The following EPB41 variants were observed in gnomAD, a reference collection of about 807,000 sequenced individuals.
EPB41 encodes protein 4.1.
EPB41 carries 65 observed loss-of-function variants against 108.0 expected under a neutral mutation model. That is an observed-to-expected ratio of 0.60 (90% CI 0.49 to 0.74). The LOEUF (loss-of-function observed/expected upper bound fraction) is 0.74, where lower values mean the gene tolerates loss of function less well. Among genes scored for constraint, EPB41 ranks in the 30% least tolerant of loss-of-function variants. The pLI, the probability that EPB41 is intolerant of heterozygous loss-of-function variation, is 0.00. For synonymous variants in EPB41, 336 were observed against 358.9 expected (o/e 0.94, Z 0.72); for missense variants, 875 against 1,037.0 (o/e 0.84, Z 2.15).
chr1:29,047,513 C>T (rs1643643084), intron 11 of EPB41, among the ~76,000 whole-genome samples: 1 of 151,062 alleles, frequency 6.6e-6, no homozygotes, highest in Non-Finnish European at 1.5e-5. Flanking sequence ...CTTGGCTTCT[C>T]AAAGTGCTGG....
At chr1:28,923,086 T>TTCC (rs1196008693) in intron 1 of EPB41, among the ~76,000 whole-genome samples, 1 of 151,128 alleles carries the variant, frequency 6.6e-6, no homozygotes, top group South Asian at 2.1e-4. Flanking sequence ...AACCTTTTTC[T>TTCC]TCCTTCTTTC....
intron 11 of EPB41, among the ~76,000 whole-genome samples, chr1:29,047,483 G>C (rs1217418323): frequency 6.6e-6 from 1 of 150,830 alleles, no homozygotes; most frequent in Non-Finnish European, 1.5e-5. Flanking sequence ...TGAACACCTG[G>C]GCTCAAGCAG....
intron 1 of EPB41, among the ~76,000 whole-genome samples, chr1:28,960,862 A>G (rs956682952): frequency 1.3e-5 from 2 of 151,926 alleles, no homozygotes; most frequent in African/African-American, 2.4e-5. Context: ...GTGAAACTCC[A>G]TCTCTACTAA....
chr1:29,015,157 A>C (rs2096561459), intron 5 of EPB41, among the ~76,000 whole-genome samples: 1 of 152,252 alleles, frequency 6.6e-6, no homozygotes, highest in Admixed American at 6.5e-5. Flanking sequence ...CAAAAAAATG[A>C]GATCCTCTAG....
intron 1 of EPB41, among the ~76,000 whole-genome samples, chr1:28,917,177 C>T (rs1032639053): frequency 6.6e-6 from 1 of 152,002 alleles, no homozygotes; most frequent in Non-Finnish European, 1.5e-5. Context: ...CACCTTTATT[C>T]TCCTTATTTT....
chr1:29,029,577 T>A (rs2096763077), intron 7 of EPB41, among the ~76,000 whole-genome samples: 1 of 152,246 alleles, frequency 6.6e-6, no homozygotes, highest in African/African-American at 2.4e-5. Context: ...TTGATTGGTC[T>A]GAATTGTGCA....
chr1:29,034,710 T>G (rs1025583190), intron 9 of EPB41, among the ~76,000 whole-genome samples: 1 of 152,172 alleles, frequency 6.6e-6, no homozygotes, highest in Non-Finnish European at 1.5e-5. Context: ...AAGAGGAATC[T>G]AGATAAATTA....
chr1:28,970,555 A>C (rs1201136593), intron 1 of EPB41, among the ~76,000 whole-genome samples: 1 of 152,166 alleles, frequency 6.6e-6, no homozygotes, highest in Non-Finnish European at 1.5e-5. Context: ...CCTTCCTTTC[A>C]GTTACATTTT....
At chr1:29,058,684 C>T (rs1267756023) in intron 13 of EPB41, 39 bp downstream of exon 13, 1 of 1,598,448 alleles carries the variant, frequency 6.3e-7, no homozygotes, top group Non-Finnish European at 8.6e-7. Context: ...TTTCCCTCCA[C>T]CCCCTCAGTT....
At chr1:28,970,015 C>T (rs1007718371) in intron 1 of EPB41, among the ~76,000 whole-genome samples, 8 of 152,128 alleles carry the variant, frequency 5.3e-5, no homozygotes, top group African/African-American at 1.9e-4. Flanking sequence ...GAATTCAGTC[C>T]CATAGTAGAG....
rs575897984 is a variant in EPB41, at chr1:29,064,227, G to A, written c.2008-755G>A. Among the ~76,000 whole-genome samples the A allele has an allele frequency of 3.9e-5, 6 of 152,298 alleles. No homozygotes were observed. In the South Asian group the frequency reaches 1.2e-3, roughly 32 times the overall value. ...GTCCCTGTTTTGAGCTGTACTAAGTGATGAAGTGAAGCTGTTAGAAGCTAG... is the reference window on the plus strand; with the variant it reads ...GTCCCTGTTTTGAGCTGTACTAAGTAATGAAGTGAAGCTGTTAGAAGCTAG... On this transcript the variant is annotated intron_variant, in intron 15 of 20. Coordinates refer to ENST00000343067, the MANE Select transcript of EPB41 (RefSeq NM_001376013.1).
In EPB41 at chr1:29,017,788, G is replaced by A. The variant is rs563286017; in HGVS notation, c.906-436G>A. On this transcript the variant is annotated intron_variant, in intron 6 of 20. Transcript: ENST00000343067. ...ACCGAGCACGCTAAGCTTCTGAGCT[G>A]CTTCCTCATCTATAATCTGGCAATG... is the stretch of plus-strand genomic sequence containing the variant. 2.1e-4 allele frequency among the ~76,000 whole-genome samples: 32 copies of A among 152,204 alleles called. No homozygotes were observed. The South Asian group carries it at 2.3e-3, about 11-fold the overall frequency.
intron 1 of EPB41, among the ~76,000 whole-genome samples, chr1:28,920,518 C>T (rs1279560484): frequency 2.0e-5 from 3 of 152,146 alleles, no homozygotes; most frequent in Non-Finnish European, 4.4e-5. Flanking sequence ...AACTTTTGCC[C>T]ATGCATTATA....
At chr1:29,108,067 T>C (rs1335985899) in intron 17 of EPB41, among the ~76,000 whole-genome samples, 2 of 150,312 alleles carry the variant, frequency 1.3e-5, no homozygotes, top group African/African-American at 2.4e-5. Flanking sequence ...TTGAAAGGCA[T>C]TTGTGAACTA....
In EPB41 at chr1:29,111,470, C is replaced by CA. The variant is rs1292441508; in HGVS notation, c.2416-892dup. 2.4e-4 allele frequency among the ~76,000 whole-genome samples: 37 copies of CA among 151,606 alleles called. 1 individual carries two copies. Among genetic ancestry groups the CA allele is most frequent in the African/African-American group, 4.4e-4 (18 of 41,332 alleles). ...AAGAGGTCGAGACCATCCTAGCTGA[C>CA]AAAAAACCCCGTCTCTACTAAAAAT... is the stretch of plus-strand genomic sequence containing the variant. On this transcript the variant is annotated intron_variant, in intron 18 of 20. Coordinates refer to ENST00000343067, the MANE Select transcript of EPB41 (RefSeq NM_001376013.1).
At chr1:29,015,826 G>A in intron 6 of EPB41, 59 bp downstream of exon 6, 1 of 1,134,152 alleles carries the variant, frequency 8.8e-7, no homozygotes, top group Non-Finnish European at 1.3e-6. Context: ...TGATGAGACA[G>A]TAATTCTTAC....
intron 4 of EPB41, among the ~76,000 whole-genome samples, chr1:29,007,657 T>C (rs2096430083): frequency 1.3e-5 from 2 of 152,202 alleles, no homozygotes. Context: ...TTTTGCGGTA[T>C]TGATGATCTT....
intron 16 of EPB41, among the ~76,000 whole-genome samples, chr1:29,077,565 G>C (rs1654604845): frequency 6.6e-6 from 1 of 152,128 alleles, no homozygotes; most frequent in South Asian, 2.1e-4. Context: ...ATACATTGCA[G>C]AGAGCAATTT....
Position 28,987,650 on chromosome 1 carries a change from G to A in EPB41, c.213G>A (p.Glu71=), listed in dbSNP as rs748434262. 1.2e-6 allele frequency: 2 copies of A among 1,614,214 alleles called. No individual in the cohort carries two copies. The highest frequency in any genetic ancestry group is 1.7e-6 in the Non-Finnish European group (2 of 1,180,042). The change falls in exon 2 of 21, where the codon GAG becomes GAA. Residue 71 remains glutamate, a synonymous_variant. Coordinates refer to ENST00000343067, the MANE Select transcript of EPB41 (RefSeq NM_001376013.1). The part of the protein sequence containing the change: ...PTHEDLTKNK[E]RTSESRGLSR... ...ATGAAGACTTGACCAAGAACAAGGA[G>A]CGGACATCAGAAAGCAGAGGACTTT...
Sources: gnomAD v4.1 joint callset for allele counts (sites outside exome capture counted in the v4.1 genomes callset) on GRCh38, gnomAD v4.1.1 for gene constraint, MANE v1.5 for transcripts, NCBI Gene and HGNC (gene_info 2026-07-23, HGNC 2026-07-21) for gene names.